ADAMTS3: variants seen among roughly 807,000 people sequenced by gnomAD.
ADAMTS3 encodes the protein ADAM metallopeptidase with thrombospondin type 1 motif 3.
In ADAMTS3, 73 loss-of-function variants were observed where a neutral mutation model predicts 129.0. The ratio of observed to expected loss-of-function variants is 0.57; its 90% CI spans 0.47 to 0.69. ADAMTS3 has a LOEUF of 0.69. Ranked by LOEUF, ADAMTS3 falls within the 30% of genes least tolerant of loss-of-function variation. The pLI, the probability that ADAMTS3 is intolerant of heterozygous loss-of-function variation, is 0.00. For synonymous variants in ADAMTS3, 477 were observed against 510.8 expected, an observed-to-expected ratio of 0.93 and a Z score of 0.89; for missense variants, 1,457 against 1,514.5, an observed-to-expected ratio of 0.96 and a Z score of 0.63.
intron 3 of ADAMTS3, among the ~76,000 whole-genome samples, chr4:72,451,977 C>T (rs1225999001): frequency 6.6e-6 from 1 of 151,820 alleles, no homozygotes; most frequent in East Asian, 2.0e-4. Flanking sequence ...GTAATCCAAG[C>T]TACTCAGGAG....
intron 4 of ADAMTS3, among the ~76,000 whole-genome samples, chr4:72,343,908 CT>C (rs1410411434): frequency 1.3e-5 from 2 of 152,018 alleles, no homozygotes; most frequent in Non-Finnish European, 2.9e-5. Context: ...TTTTTTAAAA[CT>C]TTTTAGGAAA....
chr4:72,303,127 A>G (rs1718994557), intron 17 of ADAMTS3, among the ~76,000 whole-genome samples: 1 of 152,084 alleles, frequency 6.6e-6, no homozygotes, highest in East Asian at 1.9e-4. Context: ...CCTCCCTTGG[A>G]GCCCTCTGAC....
chr4:72,423,168 T>A (rs1722488487), intron 3 of ADAMTS3, among the ~76,000 whole-genome samples: 1 of 152,134 alleles, frequency 6.6e-6, no homozygotes, highest in African/African-American at 2.4e-5. Context: ...TGGTGCCTCA[T>A]GAAATAGGTA....
chr4:72,366,120 A>C (rs1456436586), intron 4 of ADAMTS3, among the ~76,000 whole-genome samples: 1 of 152,220 alleles, frequency 6.6e-6, no homozygotes, highest in Non-Finnish European at 1.5e-5. Flanking sequence ...TCAAGGGCAC[A>C]GTATTCAAGA....
chr4:72,289,274 G>A (rs1345102413), intron 20 of ADAMTS3, among the ~76,000 whole-genome samples: 1 of 152,168 alleles, frequency 6.6e-6, no homozygotes, highest in Admixed American at 6.5e-5. Flanking sequence ...AACATCTGCT[G>A]TAGTTTCTAA....
chr4:72,337,791 G>A (rs547517201), intron 5 of ADAMTS3, among the ~76,000 whole-genome samples: 3 of 151,964 alleles, frequency 2.0e-5, no homozygotes, highest in Non-Finnish European at 2.9e-5. Context: ...TATTGTTTAC[G>A]TTTTTTCCTT....
At chr4:72,373,256 A>G (rs1721056238) in intron 4 of ADAMTS3, among the ~76,000 whole-genome samples, 1 of 152,190 alleles carries the variant, frequency 6.6e-6, no homozygotes, top group South Asian at 2.1e-4. Flanking sequence ...CTGACAAAAA[A>G]GCCAACAGAA....
chr4:72,428,945 T>C (rs1722634014), intron 3 of ADAMTS3, among the ~76,000 whole-genome samples: 1 of 152,020 alleles, frequency 6.6e-6, no homozygotes, highest in Admixed American at 6.6e-5. Flanking sequence ...CTTAACTCCT[T>C]AAGAAAGTAG....
chr4:72,417,013 T>C (rs975999492), intron 3 of ADAMTS3, among the ~76,000 whole-genome samples: 1 of 152,214 alleles, frequency 6.6e-6, no homozygotes, highest in African/African-American at 2.4e-5. Flanking sequence ...TCTGTTTAAA[T>C]ATATGGAAGT....
intron 4 of ADAMTS3, among the ~76,000 whole-genome samples, chr4:72,406,926 G>A (rs1171192633): frequency 6.6e-6 from 1 of 152,128 alleles, no homozygotes; most frequent in Non-Finnish European, 1.5e-5. Context: ...GAGGAAGGGT[G>A]CTGGTGAGTG....
chr4:72,472,020 A>G (rs1408718539), intron 3 of ADAMTS3, among the ~76,000 whole-genome samples: 1 of 152,128 alleles, frequency 6.6e-6, no homozygotes, highest in African/African-American at 2.4e-5. Context: ...GTCAGGAACT[A>G]TGGGACATAA....
chr4:72,566,805 C>A (rs1560570494), intron 2 of ADAMTS3, among the ~76,000 whole-genome samples: 1 of 149,322 alleles, frequency 6.7e-6, no homozygotes, highest in Non-Finnish European at 1.5e-5. Context: ...GAGTAAGAAT[C>A]TCCACACCAT....
chr4:72,319,442 C>A lies in ADAMTS3; in HGVS notation c.1242G>T (p.Arg414Ser). 6.2e-7 allele frequency: 1 copy of A among 1,613,878 alleles called. No individual in the cohort carries two copies. The highest frequency in any genetic ancestry group is 8.5e-7 in the Non-Finnish European group (1 of 1,179,910). The change falls in exon 9 of 22, where the codon AGG (arginine) becomes AGT (serine). Residue 414 changes from arginine (R) to serine (S), a missense_variant. Arg to Ser is a moderately radical substitution (Grantham distance 110). Coordinates refer to ENST00000286657, the MANE Select transcript of ADAMTS3 (RefSeq NM_014243.3). ...TTCCCATAGCAGTCTCATCACCACA[C>A]CTGTTGCCTTGTCCATCATGCTCCA... is the stretch of plus-strand genomic sequence containing the variant. ...LGMEHDGQGN[R>S]CGDETAMGSV...
At chr4:72,358,862 A>T (rs1396609559) in intron 4 of ADAMTS3, among the ~76,000 whole-genome samples, 1 of 152,012 alleles carries the variant, frequency 6.6e-6, no homozygotes, top group Admixed American at 6.6e-5. Context: ...GGTCAGCTGA[A>T]TTCAACAATT....
intron 3 of ADAMTS3, among the ~76,000 whole-genome samples, chr4:72,537,772 G>GAA (rs59018690): frequency 7.9e-5 from 12 of 151,872 alleles, no homozygotes; most frequent in African/African-American, 2.9e-4. Context: ...CAAAGGAAAA[G>GAA]AAAAAAACAA....
chr4:72,496,379 G>A (rs1184155679), intron 3 of ADAMTS3, among the ~76,000 whole-genome samples: 2 of 152,146 alleles, frequency 1.3e-5, no homozygotes, highest in Non-Finnish European at 2.9e-5. Context: ...ACTCCATCTT[G>A]TGGATTATCC....
intron 4 of ADAMTS3, among the ~76,000 whole-genome samples, chr4:72,347,415 T>C (rs373806265): frequency 4.9e-4 from 75 of 152,126 alleles, no homozygotes; most frequent in African/African-American, 1.7e-3. Context: ...TTCATTTTCC[T>C]TCTCATTCTT....
chr4:72,395,081 C>A lies in ADAMTS3; in HGVS notation c.661+19734G>T, dbSNP rs112170454. Among the ~76,000 whole-genome samples, 368 of 152,196 alleles carry A rather than the reference C, an allele frequency of 2.4e-3. 4 individuals are homozygous for A. Among genetic ancestry groups the A allele is most frequent in the African/African-American group, 8.4e-3 (348 of 41,548 alleles). On this transcript the variant is annotated intron_variant, in intron 4 of 21. Transcript: ENST00000286657. ...CTAGGATTACAGGCATGTGCCACTA[C>A]ACCTGGCTAATTTTTGTATTTTTAG...
chr4:72,537,842 T>C (rs1032394682), intron 3 of ADAMTS3, among the ~76,000 whole-genome samples: 1 of 152,104 alleles, frequency 6.6e-6, no homozygotes, highest in Admixed American at 6.5e-5. Flanking sequence ...AGACAAATAC[T>C]TTAAAACAAG....
Sources: gnomAD v4.1 joint callset for allele counts (sites outside exome capture counted in the v4.1 genomes callset) on GRCh38, gnomAD v4.1.1 for gene constraint, MANE v1.5 for transcripts, NCBI Gene and HGNC (gene_info 2026-07-23, HGNC 2026-07-21) for gene names.